Variants in ALDH1A3 observed in about 807,000 individuals in gnomAD.
ALDH1A3 encodes aldehyde dehydrogenase 1 family member A3.
ALDH1A3 carries 28 observed loss-of-function variants against 57.5 expected under a neutral mutation model. The observed-to-expected ratio is 0.49, with a 90% CI of 0.36 to 0.67. ALDH1A3 has a LOEUF of 0.67. Ranked by LOEUF, ALDH1A3 falls within the 30% of genes least tolerant of loss-of-function variation. The pLI is 0.00. For missense variants in ALDH1A3, 507 were observed against 669.4 expected (o/e 0.76, Z 2.68); for synonymous variants, 281 against 264.8 (o/e 1.06, Z -0.59).
intron 2 of ALDH1A3, among the ~76,000 whole-genome samples, chr15:100,886,073 G>A (rs907816506): frequency 3.3e-5 from 5 of 152,220 alleles, no homozygotes; most frequent in African/African-American, 1.2e-4. Context: ...CTGGAGTGCT[G>A]GACTGATGTT....
intron 12 of ALDH1A3, among the ~76,000 whole-genome samples, chr15:100,908,960 G>T (rs887295708): frequency 2.0e-5 from 3 of 152,118 alleles, no homozygotes; most frequent in Non-Finnish European, 4.4e-5. Flanking sequence ...AACACCTCCT[G>T]CTGGGCCTCT....
chr15:100,884,142 C>T (rs1445102296), intron 1 of ALDH1A3, among the ~76,000 whole-genome samples: 1 of 152,182 alleles, frequency 6.6e-6, no homozygotes, highest in Non-Finnish European at 1.5e-5. Flanking sequence ...GAAGCCATTC[C>T]AAGTTGGTGT....
chr15:100,909,704 C>T (rs1185406992), intron 12 of ALDH1A3, among the ~76,000 whole-genome samples: 4 of 152,174 alleles, frequency 2.6e-5, no homozygotes, highest in African/African-American at 7.2e-5. Flanking sequence ...GAACTTCTTG[C>T]GTCTGGCCCA....
In ALDH1A3 at chr15:100,887,807, G is replaced by A; in HGVS notation, c.345+95G>A. ...TATGGGAAAAAAGATCACGGTCCTG[G>A]TTTTGTGTGGTCGTGGGTCTGTTCC... is the stretch of plus-strand genomic sequence containing the variant. On this transcript the variant is annotated intron_variant, in intron 3 of 12. Transcript: ENST00000329841. This position sits in a 1 kb window ranked among gnomAD's most constrained non-coding sequence, Gnocchi z 4.6. 2.8e-6 allele frequency: 4 copies of A among 1,431,718 alleles called. No individual in the cohort carries two copies. The highest frequency in any genetic ancestry group is 3.7e-6 in the Non-Finnish European group (4 of 1,081,744). 88.7% of individuals were successfully genotyped at this position (1,431,718 alleles called of 1,614,324 possible).
Position 100,894,252 on chromosome 15 carries a change from C to A in ALDH1A3, c.666+170C>A. The A allele has an allele frequency of 1.3e-6, 1 of 777,810 alleles. No individual in the cohort carries two copies. The highest frequency in any genetic ancestry group is 2.0e-6 in the Non-Finnish European group (1 of 499,238). 48.2% of individuals were successfully genotyped at this position (777,810 alleles called of 1,614,324 possible). A position where few individuals can be genotyped will look rare whatever the true frequency, so the allele number is the denominator to read the frequency against. On this transcript the variant is annotated intron_variant, in intron 6 of 12. Transcript: ENST00000329841. This position sits in a 1 kb window ranked among gnomAD's most constrained non-coding sequence, Gnocchi z 4.5. ...TGCACGTTCTTTCTCCTGCTTGTGG[C>A]CACTGAGCTGGAGAAACTCCATTCC...
At position 100,887,794 on chromosome 15, in the gene ALDH1A3, G is replaced by T. The variant is rs2141550286; in HGVS notation, c.345+82G>T. ...GTCCACCATGGGGTATGGGAAAAAAGATCACGGTCCTGGTTTTGTGTGGTC... is the reference window on the plus strand; with the variant it reads ...GTCCACCATGGGGTATGGGAAAAAATATCACGGTCCTGGTTTTGTGTGGTC... On this transcript the variant is annotated intron_variant, in intron 3 of 12. Coordinates refer to ENST00000329841, the MANE Select transcript of ALDH1A3 (RefSeq NM_000693.4). The surrounding 1 kb of genome is among the most constrained non-coding windows in gnomAD (Gnocchi z 4.6). 1.4e-6 allele frequency: 2 copies of T among 1,467,630 alleles called. No individual in the cohort carries two copies. The highest frequency in any genetic ancestry group is 1.8e-6 in the Non-Finnish European group (2 of 1,104,246). The allele number at this position is 1,467,630 out of a possible 1,614,324, so 90.9% of individuals were successfully genotyped here.
Position 100,906,864 on chromosome 15 carries a change from A to C in ALDH1A3, c.1234-257A>C, listed in dbSNP as rs1180326368. 6.6e-6 allele frequency among the ~76,000 whole-genome samples: 1 copy of C among 152,232 alleles called. No individual in the cohort carries two copies. Among genetic ancestry groups the C allele is most frequent in the African/African-American group, 2.4e-5 (1 of 41,458 alleles). ...TGGGTTTCTCGGAAACCCTGATGAC[A>C]ACAAGACATCTTAAACACAACATAT... is the stretch of plus-strand genomic sequence containing the variant. On this transcript the variant is annotated intron_variant, in intron 10 of 12. Transcript: ENST00000329841. The surrounding 1 kb of genome is among the most constrained non-coding windows in gnomAD (Gnocchi z 4.8).
At position 100,885,260 on chromosome 15, in the gene ALDH1A3, T is replaced by C. The variant is rs2041584049; in HGVS notation, c.100-7T>C. ...ACCTAATTGGTTACACTTCCTTTCC[T>C]GGTTAGATATTTATCAACAATGAAT... On this transcript the variant is annotated splice_region_variant and splice_polypyrimidine_tract_variant and intron_variant, in intron 1 of 12. Coordinates refer to ENST00000329841, the MANE Select transcript of ALDH1A3 (RefSeq NM_000693.4). The C allele has an allele frequency of 6.3e-7, 1 of 1,597,790 alleles. No homozygotes were observed. Among genetic ancestry groups the C allele is most frequent in the African/African-American group, 1.3e-5 (1 of 74,588 alleles).
In ALDH1A3 at chr15:100,900,636, G is replaced by T. The variant is rs2229183; in HGVS notation, c.945G>T (p.Thr315=). ...TCTTCAACCAAGGCCAGTGTTGCAC[G>T]GCAGCCTCCAGGGTGTTCGTGGAGG... The part of the protein sequence containing the change: ...GVFFNQGQCC[T]AASRVFVEEQ... Residue 315 remains threonine (T), a synonymous_variant, in exon 9 of 13, where the codon ACG becomes ACT. Transcript: ENST00000329841. 286 of 1,611,926 alleles carry T rather than the reference G, an allele frequency of 1.8e-4. No individual in the cohort carries two copies. The African/African-American group carries it at 3.2e-3, about 18-fold the overall frequency.
At chr15:100,899,594 G>C (rs745912538) in intron 8 of ALDH1A3, among the ~76,000 whole-genome samples, 1 of 152,004 alleles carries the variant, frequency 6.6e-6, no homozygotes, top group Non-Finnish European at 1.5e-5. Flanking sequence ...CTGCCCCTTC[G>C]CCTCACCCCT....
In ALDH1A3 at chr15:100,887,620, G is replaced by T; in HGVS notation, c.253G>T (p.Gly85Cys). The part of the protein sequence containing the change: ...VEAAQVAFQR[G>C]SPWRRLDALS... ...GGCTGCACAGGTTGCCTTCCAGAGG[G>T]GCTCGCCATGGCGCCGGCTGGATGC... The change falls in exon 3 of 13, where the codon GGC becomes TGC. Residue 85 changes from glycine to cysteine, a missense_variant. By Grantham distance (159) the Gly-to-Cys change is radical (BLOSUM62 -3). Transcript: ENST00000329841. This position sits in a 1 kb window ranked among gnomAD's most constrained non-coding sequence, Gnocchi z 4.6. 2 of 1,611,472 alleles carry T rather than the reference G, an allele frequency of 1.2e-6. No individual in the cohort carries two copies. The highest frequency in any genetic ancestry group is 1.7e-6 in the Non-Finnish European group (2 of 1,178,778).
At chr15:100,895,287 TAA>T (rs1005337567) in intron 6 of ALDH1A3, 3 of 142,912 alleles carry the variant, frequency 2.1e-5, no homozygotes, top group Non-Finnish European at 3.1e-5. Context: ...CATCTCTACT[TAA>T]AAAAAAAAAA....
intron 1 of ALDH1A3, among the ~76,000 whole-genome samples, chr15:100,882,000 G>A (rs895353912): frequency 5.3e-5 from 8 of 152,258 alleles, no homozygotes; most frequent in Non-Finnish European, 1.2e-4. Flanking sequence ...GCCTGCCGAG[G>A]GAAGGAGCGG....
chr15:100,898,968 G>A (rs1328879377), intron 8 of ALDH1A3, among the ~76,000 whole-genome samples: 1 of 152,206 alleles, frequency 6.6e-6, no homozygotes, highest in African/African-American at 2.4e-5. Flanking sequence ...CTGTCCACGG[G>A]TGCCAGAAAT....
At chr15:100,890,241 G>T (rs531763285) in intron 3 of ALDH1A3, among the ~76,000 whole-genome samples, 11 of 152,150 alleles carry the variant, frequency 7.2e-5, no homozygotes, top group Non-Finnish European at 1.5e-4. Context: ...AGTATCTGAG[G>T]GTTCTGATGT....
chr15:100,888,255 T>A (rs2041616261), intron 3 of ALDH1A3, among the ~76,000 whole-genome samples: 1 of 152,022 alleles, frequency 6.6e-6, no homozygotes, highest in Non-Finnish European at 1.5e-5. Flanking sequence ...CCTGCCACCA[T>A]GCCCGGCTAA....
intron 7 of ALDH1A3, among the ~76,000 whole-genome samples, chr15:100,897,427 G>A (rs1265063367): frequency 6.6e-6 from 1 of 152,236 alleles, no homozygotes; most frequent in Non-Finnish European, 1.5e-5. Flanking sequence ...CCCTCCAGGG[G>A]TACAGTGGGC....
At chr15:100,903,521 A>C (rs2041792036) in intron 9 of ALDH1A3, among the ~76,000 whole-genome samples, 1 of 152,350 alleles carries the variant, frequency 6.6e-6, no homozygotes, top group East Asian at 1.9e-4. Context: ...CACACACACA[A>C]GGAAATCCCT....
chr15:100,882,797 C>T (rs1480889728), intron 1 of ALDH1A3, among the ~76,000 whole-genome samples: 1 of 152,226 alleles, frequency 6.6e-6, no homozygotes, highest in African/African-American at 2.4e-5. Context: ...CAAAACAATA[C>T]AGCCAGCATA....
Sources: allele counts gnomAD v4.1 joint callset (sites outside exome capture counted in the v4.1 genomes callset), GRCh38; gene constraint gnomAD v4.1.1; non-coding constraint Gnocchi (gnomAD v3.1); transcripts MANE v1.5; gene names NCBI Gene and HGNC (gene_info 2026-07-23, HGNC 2026-07-21).